AKT1S1: variants seen among roughly 807,000 people sequenced by gnomAD.
AKT1S1 encodes the protein proline-rich AKT1 substrate 1.
Under a neutral mutation model 21.2 loss-of-function variants are expected in AKT1S1, and 17 were observed. The observed-to-expected ratio is 0.80, with a 90% CI of 0.55 to 1.20. The LOEUF (loss-of-function observed/expected upper bound fraction) is 1.20, where lower values mean the gene tolerates loss of function less well. AKT1S1 is among the 50% of genes most tolerant of loss of function. The pLI is 0.00. For missense variants in AKT1S1, 366 were observed against 368.3 expected, an observed-to-expected ratio of 0.99 and a Z score of 0.05; for synonymous variants, 181 against 165.6, an observed-to-expected ratio of 1.09 and a Z score of -0.72.
intron 1 of AKT1S1, chr19:49,876,048 G>A (rs1379534347): frequency 1.0e-6 from 1 of 985,358 alleles, no homozygotes; most frequent in African/African-American, 1.7e-5. Context: ...CAGGGAGGAG[G>A]GAAAAGAGCT....
At chr19:49,876,999 G>A (rs767461927) in intron 1 of AKT1S1, 21 of 287,424 alleles carry the variant, frequency 7.3e-5, no homozygotes, top group African/African-American at 1.1e-4. Context: ...AGCCCATAGT[G>A]TATATTGGCT....
At position 49,873,739 on chromosome 19, in the gene AKT1S1, C is replaced by T. The variant is rs1248545084; in HGVS notation, c.-7-437G>A. 2 of 166,670 alleles carry T rather than the reference C, an allele frequency of 1.2e-5. No individual in the cohort carries two copies. Among genetic ancestry groups the T allele is most frequent in the African/African-American group, 2.4e-5 (1 of 41,884 alleles). 10.3% of individuals were successfully genotyped at this position (166,670 alleles called of 1,614,324 possible). ...GGGCGTGGTGGCTCAGGCCTGCAAC[C>T]CCAGCACTTTGGGAGGCCGAGGCAG... On this transcript the variant is annotated intron_variant, in intron 1 of 4. Coordinates refer to ENST00000344175, the MANE Select transcript of AKT1S1 (RefSeq NM_001098633.4). This position sits in a 1 kb window ranked among gnomAD's most constrained non-coding sequence, Gnocchi z 6.9.
intron 1 of AKT1S1, chr19:49,876,378 T>C: frequency 8.6e-7 from 1 of 1,157,876 alleles, no homozygotes; most frequent in East Asian, 3.2e-5. Flanking sequence ...CCAGGCGCTC[T>C]GGAACCGCAA....
At chr19:49,876,613 C>T in intron 1 of AKT1S1, 4 of 1,531,706 alleles carry the variant, frequency 2.6e-6, no homozygotes, top group Non-Finnish European at 3.5e-6. Flanking sequence ...GTGCCCGTAG[C>T]CAGCATGGCC....
In AKT1S1 at chr19:49,875,861, G is replaced by A. The variant is rs1329187950; in HGVS notation, c.-8+1376C>T. ...CAACAGGAGAGTAGCCAAGACCTGG[G>A]GGTCCTCCTTACCCTTCAGCTTCTA... On this transcript the variant is annotated intron_variant, in intron 1 of 4. Coordinates refer to ENST00000344175, the MANE Select transcript of AKT1S1 (RefSeq NM_001098633.4). 4 of 985,430 alleles carry A rather than the reference G, an allele frequency of 4.1e-6. No individual in the cohort carries two copies. In the East Asian group the frequency reaches 4.5e-4, roughly 112 times the overall value. 61.0% of individuals were successfully genotyped at this position (985,430 alleles called of 1,614,324 possible). A position where few individuals can be genotyped will look rare whatever the true frequency, so the allele number is the denominator to read the frequency against.
At chr19:49,876,582 A>G in intron 1 of AKT1S1, 2 of 1,500,148 alleles carry the variant, frequency 1.3e-6, no homozygotes, top group Non-Finnish European at 1.8e-6. Flanking sequence ...CACCGCGGTT[A>G]ACAACGCCGC....
In AKT1S1 at chr19:49,869,856, T is replaced by TGGGGCGGGGGCGTAGTGTGGGAC. The variant is rs1568665486; in HGVS notation, c.*38_*60dup. ...GCCTCAGATTAGCAGGCCCCGGGAG[T>TGGGGCGGGGGCGTAGTGTGGGAC]GGGGCGGGGGCGTAGTGTGGGACGG... is the stretch of plus-strand genomic sequence containing the variant. On this transcript the variant is annotated 3_prime_UTR_variant, in exon 5 of 5. Transcript: ENST00000344175. The TGGGGCGGGGGCGTAGTGTGGGAC allele has an allele frequency of 5.9e-6, 8 of 1,362,184 alleles. No homozygotes were observed. The highest frequency in any genetic ancestry group is 7.7e-6 in the Non-Finnish European group (8 of 1,039,028). The allele number at this position is 1,362,184 out of a possible 1,614,324, so 84.4% of individuals were successfully genotyped here.
At chr19:49,878,053 G>C (rs575095266), upstream of AKT1S1, 1 of 1,090,932 alleles carries the variant, frequency 9.2e-7, no homozygotes, top group Non-Finnish European at 1.3e-6. Flanking sequence ...CGCCCCCTGA[G>C]GGTGGCTCCT....
chr19:49,878,086 TC>T, upstream of AKT1S1: 1 of 1,422,326 alleles, frequency 7.0e-7, no homozygotes. Flanking sequence ...CCCTATTGGC[TC>T]CCCAGGCTGG....
In AKT1S1 at chr19:49,873,098, T is replaced by G; in HGVS notation, c.198A>C (p.Ala66=). 1 of 1,547,944 alleles carries G rather than the reference T, an allele frequency of 6.5e-7. No homozygotes were observed. The highest frequency in any genetic ancestry group is 8.7e-7 in the Non-Finnish European group (1 of 1,149,492). ...CAGCAGTGGCAGCCCTGTGGGCCAG[T>G]GCGATGTCGTGGAGGCAACGGCGCG... The part of the protein sequence containing the change: ...EAARRCLHDI[A]LAHRAATAAR... Residue 66 remains alanine, a synonymous_variant, in exon 2 of 5, where the codon GCA becomes GCC. Transcript: ENST00000344175. The surrounding 1 kb of genome is among the most constrained non-coding windows in gnomAD (Gnocchi z 6.9).
In AKT1S1 at chr19:49,875,983, G is replaced by A. The variant is rs551508428; in HGVS notation, c.-8+1254C>T. ...AAGATCAGGGAGAGATTAGAGGAAA[G>A]TGAGACGTGTTCCCCACAGGAGGGG... is the stretch of plus-strand genomic sequence containing the variant. On this transcript the variant is annotated intron_variant, in intron 1 of 4. Transcript: ENST00000344175. 73 of 985,418 alleles carry A rather than the reference G, an allele frequency of 7.4e-5. No individual in the cohort carries two copies. The South Asian group carries it at 3.3e-3, about 44-fold the overall frequency. The allele number at this position is 985,418 out of a possible 1,614,324, so 61.0% of individuals were successfully genotyped here. A position where few individuals can be genotyped will look rare whatever the true frequency, so the allele number is the denominator to read the frequency against.
rs1284143140 is a variant in AKT1S1, at chr19:49,871,653, G to A, written c.521C>T (p.Ala174Val). 1.9e-6 allele frequency: 3 copies of A among 1,614,046 alleles called. No individual in the cohort carries two copies. Among genetic ancestry groups the A allele is most frequent in the Non-Finnish European group, 2.5e-6 (3 of 1,180,020 alleles). ...PPTCSVPPAS[A>V]LPTQQYAKSL... is the part of the protein sequence containing the mutation. ...CTTGGCGTACTGCTGTGTGGGTAGG[G>A]CTGAGGCTGGGGGCACTGAGCAGGT... Residue 174 changes from alanine (A) to valine (V), a missense_variant, in exon 4 of 5, where the codon GCC becomes GTC. By Grantham distance (64) the Ala-to-Val change is moderately conservative. Transcript: ENST00000344175.
intron 2 of AKT1S1, among the ~76,000 whole-genome samples, chr19:49,872,710 C>T (rs2074897486): frequency 6.6e-6 from 1 of 152,246 alleles, no homozygotes; most frequent in Non-Finnish European, 1.5e-5. Flanking sequence ...CAGCACAGAG[C>T]TGGCCCCAGG....
Position 49,873,326 on chromosome 19 carries a change from G to A in AKT1S1, c.-7-24C>T, listed in dbSNP as rs1160849621. 2 of 1,425,394 alleles carry A rather than the reference G, an allele frequency of 1.4e-6. No homozygotes were observed. The highest frequency in any genetic ancestry group is 1.8e-6 in the Non-Finnish European group (2 of 1,100,376). 88.3% of individuals were successfully genotyped at this position (1,425,394 alleles called of 1,614,324 possible). ...CCCTGCGGGCCAGAGCAGGACAGAGGGGGCTGAGGCTTGGCGGCCTACATC... is the reference window on the plus strand; with the variant it reads ...CCCTGCGGGCCAGAGCAGGACAGAGAGGGCTGAGGCTTGGCGGCCTACATC... On this transcript the variant is annotated intron_variant, in intron 1 of 4. Coordinates refer to ENST00000344175, the MANE Select transcript of AKT1S1 (RefSeq NM_001098633.4). The surrounding 1 kb of genome is among the most constrained non-coding windows in gnomAD (Gnocchi z 6.9).
At chr19:49,875,949 G>T in intron 1 of AKT1S1, 1 of 985,450 alleles carries the variant, frequency 1.0e-6, no homozygotes, top group African/African-American at 1.7e-5. Context: ...CGATAGACGA[G>T]TTTCGTGTAA....
At position 49,869,581 on chromosome 19, in the gene AKT1S1, C is replaced by T. The variant is rs1021805142; in HGVS notation, c.*336G>A. On this transcript the variant is annotated 3_prime_UTR_variant, in exon 5 of 5. Transcript: ENST00000344175. ...AGCGACTAGGGGATGGAGCCAATGC[C>T]GTGCGAGCAAATCCCTTGTCGCTAG... is the stretch of plus-strand genomic sequence containing the variant. The T allele has an allele frequency of 5.7e-5, 13 of 229,194 alleles. No homozygotes were observed. In the Admixed American group the frequency reaches 6.9e-4, roughly 12 times the overall value. 14.2% of individuals were successfully genotyped at this position (229,194 alleles called of 1,614,324 possible). A position where few individuals can be genotyped will look rare whatever the true frequency, so the allele number is the denominator to read the frequency against.
chr19:49,876,392 G>T (rs1055244449), intron 1 of AKT1S1: 1 of 1,131,942 alleles, frequency 8.8e-7, no homozygotes, highest in Non-Finnish European at 1.1e-6. Context: ...ACCGCAAGGT[G>T]AGACTGTCTA....
rs779692386 is a variant in AKT1S1, at chr19:49,873,215, C to A, written c.81G>T (p.Glu27Asp). The change falls in exon 2 of 5, where the codon GAG becomes GAT. Residue 27 changes from glutamate to aspartate, a missense_variant. Physicochemically the swap from Glu to Asp is conservative, Grantham distance 45. Transcript: ENST00000344175. The surrounding 1 kb of genome is among the most constrained non-coding windows in gnomAD (Gnocchi z 6.9). The stretch of plus-strand genomic sequence containing the variant: ...GCGGGGCCGCGGTCAGCAGCACCAG[C>A]TCCGTGCCAGTCCGGGCCCGGAAGC... ...AERFRARTGT[E>D]LVLLTAAPPP... 1.3e-6 allele frequency: 2 copies of A among 1,535,194 alleles called. No homozygotes were observed. The highest frequency in any genetic ancestry group is 2.4e-5 in the South Asian group (2 of 84,018).
At position 49,873,198 on chromosome 19, in the gene AKT1S1, G is replaced by A. The variant is rs1199244164; in HGVS notation, c.98C>T (p.Ala33Val). The stretch of plus-strand genomic sequence containing the variant: ...CGGGCGGGGTGGTGGCGGCGGGGCC[G>A]CGGTCAGCAGCACCAGCTCCGTGCC... ...RTGTELVLLT[A>V]APPPPPRPGP... The change falls in exon 2 of 5, where the codon GCG becomes GTG. Residue 33 changes from alanine (A) to valine (V), a missense_variant. Physicochemically the swap from Ala to Val is moderately conservative, Grantham distance 64. Transcript: ENST00000344175. The surrounding 1 kb of genome is among the most constrained non-coding windows in gnomAD (Gnocchi z 6.9). 6 of 1,528,928 alleles carry A rather than the reference G, an allele frequency of 3.9e-6. No homozygotes were observed. Among genetic ancestry groups the A allele is most frequent in the Admixed American group, 2.0e-5 (1 of 50,170 alleles). 94.7% of individuals were successfully genotyped at this position (1,528,928 alleles called of 1,614,324 possible). A position where few individuals can be genotyped will look rare whatever the true frequency, so the allele number is the denominator to read the frequency against.
Sources: gnomAD v4.1 joint callset for allele counts (sites outside exome capture counted in the v4.1 genomes callset) on GRCh38, gnomAD v4.1.1 for gene constraint, Gnocchi (gnomAD v3.1) non-coding constraint, MANE v1.5 for transcripts, NCBI Gene and HGNC (gene_info 2026-07-23, HGNC 2026-07-21) for gene names.